The following PGC variants were observed in gnomAD, a reference collection of about 807,000 sequenced individuals.
PGC encodes the protein gastricsin.
In PGC, 31 loss-of-function variants were observed where a neutral mutation model predicts 45.9. The ratio of observed to expected loss-of-function variants is 0.67; its 90% CI spans 0.51 to 0.91. The LOEUF is 0.91. Among genes scored for constraint, PGC ranks in the 40% least tolerant of loss-of-function variants. The probability of loss-of-function intolerance (pLI) is 0.00; values close to 1 mark genes in which losing one functional copy is unlikely to be tolerated. For missense variants in PGC, 477 were observed against 493.2 expected (o/e 0.97, Z 0.31); for synonymous variants, 192 against 201.8 (o/e 0.95, Z 0.41).
chr6:41,741,160 T>A, intron 5 of PGC: 2 of 1,535,738 alleles, frequency 1.3e-6, no homozygotes, highest in Admixed American at 2.0e-5. Context: ...GTGAAGGGGG[T>A]AAGGATATTC....
intron 1 of PGC, among the ~76,000 whole-genome samples, chr6:41,745,549 G>C (rs9471641): frequency 0.085 from 10,621 of 124,822 alleles, 809 homozygotes; most frequent in Admixed American, 0.26. Flanking sequence ...AGGATATGTA[G>C]TTTTTTTTTT....
Position 41,744,731 on chromosome 6 carries a change from T to G in PGC, c.137A>C (p.His46Pro), listed in dbSNP as rs762914927. The change falls in exon 2 of 9, where the codon CAC (histidine) becomes CCC (proline). Residue 46 changes from histidine (H) to proline (P), a missense_variant. Coordinates refer to ENST00000373025, the MANE Select transcript of PGC (RefSeq NM_002630.4). This position sits in a 1 kb window ranked among gnomAD's most constrained non-coding sequence, Gnocchi z 4.4. ...GTACTTCCAAGCAGGATCATACTTG[T>G]GGGTCCTCAGGAACTCCCCCAGCAA... is the stretch of plus-strand genomic sequence containing the variant. ...KGLLGEFLRT[H>P]KYDPAWKYRF... is the part of the protein sequence containing the mutation. 6.2e-7 allele frequency: 1 copy of G among 1,613,960 alleles called. No homozygotes were observed. Among genetic ancestry groups the G allele is most frequent in the Non-Finnish European group, 8.5e-7 (1 of 1,179,946 alleles).
chr6:41,738,628 A>C (rs1266295324), intron 7 of PGC, among the ~76,000 whole-genome samples: 1 of 151,698 alleles, frequency 6.6e-6, no homozygotes, highest in East Asian at 1.9e-4. Context: ...ACTCTGTCTC[A>C]AAACAACAAT....
Position 41,744,076 on chromosome 6 carries a change from C to A in PGC, c.328+321G>T, listed in dbSNP as rs1371311628. On this transcript the variant is annotated intron_variant, in intron 3 of 8. Coordinates refer to ENST00000373025, the MANE Select transcript of PGC (RefSeq NM_002630.4). This position sits in a 1 kb window ranked among gnomAD's most constrained non-coding sequence, Gnocchi z 4.4. ...GTGGGATGGAGTGGGATGGAATGGA[C>A]TGGAAATTAGTCACATGGAATGGAA... is the stretch of plus-strand genomic sequence containing the variant. Among the ~76,000 whole-genome samples, 1 of 151,162 alleles carries A rather than the reference C, an allele frequency of 6.6e-6. No homozygotes were observed. Among genetic ancestry groups the A allele is most frequent in the African/African-American group, 2.5e-5 (1 of 40,662 alleles).
chr6:41,742,512 G>A (rs367855159), intron 4 of PGC, 23 bp from the exon 5 acceptor site: 17 of 1,602,168 alleles, frequency 1.1e-5, no homozygotes, highest in African/African-American at 2.7e-5. Context: ...CAAACGAGGG[G>A]AGGTGACCAG....
chr6:41,738,250 G>A (rs55747956), intron 7 of PGC, among the ~76,000 whole-genome samples: 143 of 9,900 alleles, frequency 0.014, 10 homozygotes, highest in African/African-American at 0.028. Context: ...ATATATATAT[G>A]CATATATATA....
chr6:41,739,927 C>A lies in PGC; in HGVS notation c.787G>T (p.Ala263Ser). 5 of 1,613,934 alleles carry A rather than the reference C, an allele frequency of 3.1e-6. No individual in the cohort carries two copies. The South Asian group carries it at 5.5e-5, about 18-fold the overall frequency. The change falls in exon 7 of 9, where the codon GCC (alanine) becomes TCC (serine). Residue 263 changes from alanine (A) to serine (S), a missense_variant. Transcript: ENST00000373025. ...GIEEFLIGGQ[A>S]SGWCSEGCQA... ...CAACCCTCAGAACACCAGCCGGAGG[C>A]CTGGCCGCCGATGAGGAACCTGTAT...
intron 7 of PGC, among the ~76,000 whole-genome samples, chr6:41,738,180 A>G (rs868164532): frequency 4.7e-4 from 10 of 21,320 alleles, no homozygotes; most frequent in African/African-American, 8.5e-4. Flanking sequence ...ATATATATAC[A>G]TATATATATG....
At chr6:41,738,213 T>TACATATATAC (rs1771745407) in intron 7 of PGC, among the ~76,000 whole-genome samples, 1 of 13,644 alleles carries the variant, frequency 7.3e-5, no homozygotes, top group Non-Finnish European at 2.9e-4. Context: ...CATATATATA[T>TACATATATAC]GCATATATAT....
At chr6:41,739,396 T>C (rs1236873299) in intron 7 of PGC, among the ~76,000 whole-genome samples, 7 of 151,418 alleles carry the variant, frequency 4.6e-5, no homozygotes, top group Admixed American at 4.6e-4. Flanking sequence ...CTTGGGCAGA[T>C]AGAGGCTTGG....
chr6:41,742,583 T>C, intron 4 of PGC, 94 bp from the exon 5 acceptor site: 2 of 884,202 alleles, frequency 2.3e-6, no homozygotes, highest in Non-Finnish European at 3.8e-6. Context: ...TGTTCATCCC[T>C]TCCTCACCTC....
intron 1 of PGC, among the ~76,000 whole-genome samples, chr6:41,746,223 G>A (rs972832228): frequency 1.3e-5 from 2 of 151,956 alleles, no homozygotes; most frequent in Non-Finnish European, 1.5e-5. Context: ...TCCTTTCTAC[G>A]GCAGCCCTCA....
rs1771843400 is a variant in PGC, at chr6:41,742,343, G to A, written c.594C>T (p.Gly198=). 1 of 1,614,170 alleles carries A rather than the reference G, an allele frequency of 6.2e-7. No homozygotes were observed. The highest frequency in any genetic ancestry group is 8.5e-7 in the Non-Finnish European group (1 of 1,180,022). Reference sequence around the variant, plus strand: ...TGGTGAGGGCGCCCTCCTGCACCATGCCCTGCATAGCTGTGGTGGCCTCAT... The same window carrying A: ...TGGTGAGGGCGCCCTCCTGCACCATACCCTGCATAGCTGTGGTGGCCTCAT... ...SVDEATTAMQ[G]MVQEGALTSP... is the part of the protein sequence containing the mutation. The change falls in exon 5 of 9, where the codon GGC becomes GGT. Residue 198 remains glycine, a synonymous_variant. Coordinates refer to ENST00000373025, the MANE Select transcript of PGC (RefSeq NM_002630.4).
chr6:41,743,541 T>A, intron 3 of PGC, 152 bp from the exon 4 acceptor site: 1 of 659,970 alleles, frequency 1.5e-6, no homozygotes, highest in Non-Finnish European at 2.8e-6. Context: ...AGGGGTGGCA[T>A]TGGAAGGCCC....
At position 41,736,958 on chromosome 6, in the gene PGC, G is replaced by A. The variant is rs749565140; in HGVS notation, c.1061C>T (p.Ser354Phe). 7 of 1,614,138 alleles carry A rather than the reference G, an allele frequency of 4.3e-6. 1 individual carries two copies. The South Asian group carries it at 7.7e-5, about 18-fold the overall frequency. The change falls in exon 9 of 9, where the codon TCC becomes TTC. Residue 354 changes from serine (S) to phenylalanine (F), a missense_variant. Coordinates refer to ENST00000373025, the MANE Select transcript of PGC (RefSeq NM_002630.4). ...GATCCACAGGGGCTGGCCGTTCTGG[G>A]AGGACAGGTAGGTGGGCTCGACTCC... is the stretch of plus-strand genomic sequence containing the variant. ...TVGVEPTYLSSQNGQPLWILG... is the reference protein window; with the variant it reads ...TVGVEPTYLSFQNGQPLWILG...
chr6:41,740,789 G>A, intron 5 of PGC, 179 bp from the exon 6 acceptor site: 1 of 1,429,054 alleles, frequency 7.0e-7, no homozygotes, highest in Non-Finnish European at 9.1e-7. Context: ...GTATCCCTTA[G>A]ATTGGAGCTC....
chr6:41,744,075 A>G lies in PGC; in HGVS notation c.328+322T>C, dbSNP rs1030015980. ...AGTGGGATGGAGTGGGATGGAATGG[A>G]CTGGAAATTAGTCACATGGAATGGA... On this transcript the variant is annotated intron_variant, in intron 3 of 8. Transcript: ENST00000373025. This position sits in a 1 kb window ranked among gnomAD's most constrained non-coding sequence, Gnocchi z 4.4. Among the ~76,000 whole-genome samples, 1 of 151,434 alleles carries G rather than the reference A, an allele frequency of 6.6e-6. No individual in the cohort carries two copies. The highest frequency in any genetic ancestry group is 2.5e-5 in the African/African-American group (1 of 40,764).
chr6:41,745,933 C>T (rs189068427), intron 1 of PGC, among the ~76,000 whole-genome samples: 7 of 151,528 alleles, frequency 4.6e-5, no homozygotes, highest in Admixed American at 3.3e-4. Flanking sequence ...GAGGCCGAGG[C>T]GGGTGGATCA....
rs777228236 is a variant in PGC at position 41,744,471 on chromosome 6, T to G, written c.254A>C (p.Asn85Thr). ...GCCGGTGTCAAAAAGGACCAGGAAGTTCTGGGGTGGAGTCCCGATGCTGAT... is the reference window on the plus strand; with the variant it reads ...GCCGGTGTCAAAAAGGACCAGGAAGGTCTGGGGTGGAGTCCCGATGCTGAT... ...GEISIGTPPQNFLVLFDTGSS... is the reference protein window; with the variant it reads ...GEISIGTPPQTFLVLFDTGSS... Residue 85 changes from asparagine to threonine, a missense_variant, in exon 3 of 9, where the codon AAC becomes ACC. Coordinates refer to ENST00000373025, the MANE Select transcript of PGC (RefSeq NM_002630.4). This position sits in a 1 kb window ranked among gnomAD's most constrained non-coding sequence, Gnocchi z 4.4. 10 of 1,613,830 alleles carry G rather than the reference T, an allele frequency of 6.2e-6. No individual in the cohort carries two copies. The highest frequency in any genetic ancestry group is 1.7e-4 in the Middle Eastern group (1 of 5,956).
Sources: gnomAD v4.1 joint callset for allele counts (sites outside exome capture counted in the v4.1 genomes callset) on GRCh38, gnomAD v4.1.1 for gene constraint, Gnocchi (gnomAD v3.1) non-coding constraint, MANE v1.5 for transcripts, NCBI Gene and HGNC (gene_info 2026-07-23, HGNC 2026-07-21) for gene names.